VAT1L: variants seen among roughly 807,000 people sequenced by gnomAD.
The protein encoded by VAT1L is putative NADPH-dependent quinone oxidoreductase VAT1L.
A neutral mutation model predicts 44.1 loss-of-function variants in VAT1L; 34 were observed. The observed-to-expected ratio is 0.77, with a 90% CI of 0.59 to 1.03. The LOEUF (loss-of-function observed/expected upper bound fraction) is 1.03, where lower values mean the gene tolerates loss of function less well. Among genes scored for constraint, VAT1L ranks in the 50% least tolerant of loss-of-function variants. The pLI, the probability that VAT1L is intolerant of heterozygous loss-of-function variation, is 0.00. For synonymous variants in VAT1L, 253 were observed against 202.2 expected (o/e 1.25, Z -2.13); for missense variants, 615 against 538.8 (o/e 1.14, Z -1.40).
In VAT1L at chr16:77,924,104, A is replaced by C. The variant is rs139580929; in HGVS notation, c.1077+39302A>C. Among the ~76,000 whole-genome samples the C allele has an allele frequency of 5.2e-3, 796 of 152,306 alleles. 13 individuals carry two copies. Among genetic ancestry groups the C allele is most frequent in the African/African-American group, 0.018 (765 of 41,560 alleles). ...TGAACCTCCTTGTCTCCATGTGTAC[A>C]TAATACAGATGTCAGCTGGCATCCC... On this transcript the variant is annotated intron_variant, in intron 7 of 8. Transcript: ENST00000302536.
At chr16:77,897,278 C>T (rs2017334313) in intron 7 of VAT1L, among the ~76,000 whole-genome samples, 4 of 152,264 alleles carry the variant, frequency 2.6e-5, no homozygotes, top group Admixed American at 2.6e-4. Flanking sequence ...TCAGTTTCCT[C>T]CATTAGAAAT....
rs1437393817 is a variant in VAT1L at position 77,843,176 on chromosome 16, T to C, written c.579+17715T>C. On this transcript the variant is annotated intron_variant, in intron 3 of 8. Coordinates refer to ENST00000302536, the MANE Select transcript of VAT1L (RefSeq NM_020927.3). Reference sequence around the variant, plus strand: ...AGCAGGTACGGGTCTACCCATCTGCTCATTGCCTCTGCCCACTCAACTATT... The same window carrying C: ...AGCAGGTACGGGTCTACCCATCTGCCCATTGCCTCTGCCCACTCAACTATT... Among the ~76,000 whole-genome samples, 4 of 152,306 alleles carry C rather than the reference T, an allele frequency of 2.6e-5. No individual in the cohort carries two copies. In the East Asian group the frequency reaches 7.7e-4, roughly 29 times the overall value.
chr16:77,849,219 G>A (rs1026961466), intron 3 of VAT1L, among the ~76,000 whole-genome samples: 10 of 152,166 alleles, frequency 6.6e-5, no homozygotes, highest in African/African-American at 2.4e-4. Flanking sequence ...ACAGTGCATG[G>A]CACTTAGGTA....
chr16:77,822,324 G>A (rs2016465238), intron 2 of VAT1L, among the ~76,000 whole-genome samples: 1 of 152,014 alleles, frequency 6.6e-6, no homozygotes. Flanking sequence ...AGTAGAGACG[G>A]GGTTTCTCCA....
chr16:77,840,586 C>A lies in VAT1L; in HGVS notation c.579+15125C>A, dbSNP rs149224343. ...GGTATTCAGATCTGTGCTCCTCATCCTAGGAACACTCATTTCGTTTTGCAT... is the reference window on the plus strand; with the variant it reads ...GGTATTCAGATCTGTGCTCCTCATCATAGGAACACTCATTTCGTTTTGCAT... On this transcript the variant is annotated intron_variant, in intron 3 of 8. Coordinates refer to ENST00000302536, the MANE Select transcript of VAT1L (RefSeq NM_020927.3). 3.2e-4 allele frequency among the ~76,000 whole-genome samples: 48 copies of A among 152,220 alleles called. 1 individual carries two copies. The East Asian group carries it at 6.9e-3, about 22-fold the overall frequency.
chr16:77,796,447 G>C (rs970535027), intron 1 of VAT1L, among the ~76,000 whole-genome samples: 12 of 152,202 alleles, frequency 7.9e-5, no homozygotes, highest in African/African-American at 2.7e-4. Context: ...AGGAAGCTGG[G>C]ACTCAGGGAT....
intron 4 of VAT1L, among the ~76,000 whole-genome samples, chr16:77,873,410 C>T (rs2017052627): frequency 6.6e-6 from 1 of 152,172 alleles, no homozygotes; most frequent in South Asian, 2.1e-4. Context: ...CGAGGAAGCA[C>T]ACATATAGAG....
chr16:77,962,330 A>G (rs400635), intron 7 of VAT1L, among the ~76,000 whole-genome samples: 51,709 of 151,978 alleles, frequency 0.34, 8,940 homozygotes, highest in South Asian at 0.45. Flanking sequence ...AGCATGGTCT[A>G]GAAGTGTATG....
chr16:77,962,336 G>A (rs573371909), intron 7 of VAT1L, among the ~76,000 whole-genome samples: 4 of 152,274 alleles, frequency 2.6e-5, no homozygotes, highest in East Asian at 3.9e-4. Context: ...GTCTAGAAGT[G>A]TATGTGTTGG....
intron 7 of VAT1L, among the ~76,000 whole-genome samples, chr16:77,889,813 G>A (rs749059665): frequency 1.3e-4 from 20 of 152,194 alleles, no homozygotes; most frequent in Non-Finnish European, 2.6e-4. Flanking sequence ...TTAGCCAGGC[G>A]CAGTGGCTTA....
intron 3 of VAT1L, among the ~76,000 whole-genome samples, chr16:77,835,938 A>G (rs1367131519): frequency 2.0e-5 from 3 of 152,056 alleles, no homozygotes; most frequent in African/African-American, 7.2e-5. Flanking sequence ...ATAGTATGTG[A>G]CAGAGAAGAG....
chr16:77,943,199 G>A (rs1332130141), intron 7 of VAT1L, among the ~76,000 whole-genome samples: 2 of 151,228 alleles, frequency 1.3e-5, no homozygotes, highest in Middle Eastern at 7.0e-3. Flanking sequence ...TGGGATTACA[G>A]GCACTCACCA....
intron 3 of VAT1L, among the ~76,000 whole-genome samples, chr16:77,837,819 G>A (rs1377410724): frequency 6.6e-6 from 1 of 152,176 alleles, no homozygotes; most frequent in Admixed American, 6.5e-5. Flanking sequence ...AGGGGGTCTT[G>A]TAATGGACTT....
At chr16:77,877,805 A>C (rs1372796531) in intron 5 of VAT1L, among the ~76,000 whole-genome samples, 1 of 152,216 alleles carries the variant, frequency 6.6e-6, no homozygotes, top group Non-Finnish European at 1.5e-5. Flanking sequence ...CCATTGTAAC[A>C]GAAAGAAGGC....
intron 3 of VAT1L, among the ~76,000 whole-genome samples, chr16:77,827,966 C>G (rs891684925): frequency 6.6e-6 from 1 of 152,112 alleles, no homozygotes; most frequent in Non-Finnish European, 1.5e-5. Context: ...AGGATGTGGT[C>G]TGGTTTAATC....
intron 3 of VAT1L, among the ~76,000 whole-genome samples, chr16:77,832,877 T>C (rs367615749): frequency 4.6e-5 from 7 of 152,152 alleles, no homozygotes; most frequent in African/African-American, 1.7e-4. Flanking sequence ...ATGGAGCAAG[T>C]GACGATCTTC....
At chr16:77,893,180 G>C (rs1449911318) in intron 7 of VAT1L, among the ~76,000 whole-genome samples, 1 of 152,178 alleles carries the variant, frequency 6.6e-6, no homozygotes, top group Admixed American at 6.5e-5. Flanking sequence ...TGTACATAGT[G>C]GTTTGGAGGG....
intron 4 of VAT1L, among the ~76,000 whole-genome samples, chr16:77,874,912 G>T (rs1009400533): frequency 1.3e-5 from 2 of 150,762 alleles, no homozygotes; most frequent in Non-Finnish European, 2.9e-5. Flanking sequence ...TTCTCAGAGC[G>T]TGGAGCTGGA....
chr16:77,796,530 T>C (rs1450163523), intron 1 of VAT1L, among the ~76,000 whole-genome samples: 1 of 152,254 alleles, frequency 6.6e-6, no homozygotes, highest in East Asian at 1.9e-4. Flanking sequence ...GGCTGTGTGA[T>C]CTTAAGCAAA....
Sources: gnomAD v4.1 joint callset for allele counts (sites outside exome capture counted in the v4.1 genomes callset) on GRCh38, gnomAD v4.1.1 for gene constraint, MANE v1.5 for transcripts, NCBI Gene and HGNC (gene_info 2026-07-23, HGNC 2026-07-21) for gene names.